Variants in WWP2 observed in about 807,000 individuals in gnomAD.
The protein encoded by WWP2 is NEDD4-like E3 ubiquitin-protein ligase WWP2.
A neutral mutation model predicts 121.0 loss-of-function variants in WWP2; 57 were observed. The observed-to-expected ratio is 0.47, with a 90% CI of 0.38 to 0.59. WWP2 has a LOEUF of 0.59. WWP2 is among the 20% of genes least tolerant of loss of function. WWP2 has a pLI of 0.00. For missense variants in WWP2, 962 were observed against 1,158.9 expected (o/e 0.83, Z 2.47); for synonymous variants, 449 against 441.3 (o/e 1.02, Z -0.22).
chr16:69,901,526 C>T (rs1335031485), intron 8 of WWP2, among the ~76,000 whole-genome samples: 2 of 152,158 alleles, frequency 1.3e-5, no homozygotes, highest in Admixed American at 1.3e-4. Flanking sequence ...CATTCTCCTG[C>T]TTCAGCCTCC....
chr16:69,810,089 C>T (rs1051899808), intron 4 of WWP2, among the ~76,000 whole-genome samples: 3 of 152,186 alleles, frequency 2.0e-5, no homozygotes, highest in African/African-American at 7.2e-5. Context: ...ACCTGATGGG[C>T]GATGGTTGCC....
In WWP2 at chr16:69,937,317, C is replaced by G; in HGVS notation, c.2238+79C>G. On this transcript the variant is annotated intron_variant, in intron 20 of 23. Coordinates refer to ENST00000359154, the MANE Select transcript of WWP2 (RefSeq NM_001270454.2). This position sits in a 1 kb window ranked among gnomAD's most constrained non-coding sequence, Gnocchi z 6.6. ...CTCTGTGATACGCTCACTGTGTACC[C>G]ACAGACACTCAGCGTAAAACTCCCA... 6.4e-7 allele frequency: 1 copy of G among 1,570,106 alleles called. No individual in the cohort carries two copies. The highest frequency in any genetic ancestry group is 1.2e-5 in the South Asian group (1 of 84,990).
At chr16:69,783,853 G>A (rs1299763139) in intron 1 of WWP2, among the ~76,000 whole-genome samples, 1 of 151,984 alleles carries the variant, frequency 6.6e-6, no homozygotes, top group Non-Finnish European at 1.5e-5. Flanking sequence ...TACTCAGGAG[G>A]CCAAGGTGAG....
intron 4 of WWP2, among the ~76,000 whole-genome samples, chr16:69,825,102 T>G (rs1197134477): frequency 6.6e-6 from 1 of 152,118 alleles, no homozygotes; most frequent in Non-Finnish European, 1.5e-5. Flanking sequence ...TGCTTGTGTT[T>G]GCAATGACTT....
intron 4 of WWP2, among the ~76,000 whole-genome samples, chr16:69,804,379 C>A (rs1394919878): frequency 1.3e-5 from 2 of 152,030 alleles, no homozygotes; most frequent in African/African-American, 4.8e-5. Context: ...GTGCCCAGTA[C>A]AAATAGGGAT....
chr16:69,787,930 A>G lies in WWP2; in HGVS notation c.70+850A>G, dbSNP rs527596362. 3 of 152,214 alleles carry G rather than the reference A, an allele frequency of 2.0e-5. No homozygotes were observed. In the East Asian group the frequency reaches 5.8e-4, roughly 29 times the overall value. The allele number at this position is 152,214 out of a possible 1,614,324, so 9.4% of individuals were successfully genotyped here. A position where few individuals can be genotyped will look rare whatever the true frequency, so the allele number is the denominator to read the frequency against. On this transcript the variant is annotated intron_variant, in intron 2 of 23. Coordinates refer to ENST00000359154, the MANE Select transcript of WWP2 (RefSeq NM_001270454.2). Reference sequence around the variant, plus strand: ...ACTCAACATTCAGCCACTTCTCACCACCCCTAGGTCCCAGCCTAGTCCAGG... The same window carrying G: ...ACTCAACATTCAGCCACTTCTCACCGCCCCTAGGTCCCAGCCTAGTCCAGG...
At chr16:69,902,071 G>A (rs2058214657) in intron 8 of WWP2, among the ~76,000 whole-genome samples, 1 of 152,188 alleles carries the variant, frequency 6.6e-6, no homozygotes, top group African/African-American at 2.4e-5. Context: ...TCAAACAGGT[G>A]AATCTGACCA....
chr16:69,917,488 C>T, intron 9 of WWP2: 1 of 476,234 alleles, frequency 2.1e-6, no homozygotes, highest in Non-Finnish European at 3.7e-6. Flanking sequence ...GAGTCAGCTT[C>T]CCCAGAACCA....
chr16:69,807,034 CT>C (rs931741508), intron 4 of WWP2, among the ~76,000 whole-genome samples: 56 of 140,418 alleles, frequency 4.0e-4, no homozygotes, highest in East Asian at 1.6e-3. Context: ...TTATCTTTGT[CT>C]TTTTTTTTTT....
intron 4 of WWP2, among the ~76,000 whole-genome samples, chr16:69,810,427 C>CTTT (rs773074583): frequency 1.4e-5 from 2 of 140,472 alleles, no homozygotes. Flanking sequence ...TTTTTAACAT[C>CTTT]TTTTTTTTTT....
chr16:69,848,275 A>AC (rs2057124015), intron 6 of WWP2, among the ~76,000 whole-genome samples: 2 of 151,672 alleles, frequency 1.3e-5, no homozygotes, highest in South Asian at 4.2e-4. Context: ...ACATGGAGAA[A>AC]CCCCATCTCT....
intron 1 of WWP2, among the ~76,000 whole-genome samples, chr16:69,767,504 G>A (rs2038757580): frequency 6.6e-6 from 1 of 152,210 alleles, no homozygotes; most frequent in Non-Finnish European, 1.5e-5. Context: ...GCGACTTTGA[G>A]TCCCTTAGGA....
chr16:69,786,211 C>T (rs1198621399), intron 1 of WWP2: 2 of 150,334 alleles, frequency 1.3e-5, no homozygotes, highest in African/African-American at 2.5e-5. Context: ...GTGGCACGAT[C>T]TCGGCTCACT....
chr16:69,773,185 C>CT (rs59956274), intron 1 of WWP2, among the ~76,000 whole-genome samples: 1,763 of 145,056 alleles, frequency 0.012, 32 homozygotes, highest in African/African-American at 0.04. Flanking sequence ...CACGTTGCTC[C>CT]TTTTTTTTTT....
intron 9 of WWP2, among the ~76,000 whole-genome samples, chr16:69,916,793 C>T (rs1244926126): frequency 6.6e-6 from 1 of 152,058 alleles, no homozygotes; most frequent in Non-Finnish European, 1.5e-5. Flanking sequence ...AGAATCCAGA[C>T]AAAATCTGGG....
intron 6 of WWP2, among the ~76,000 whole-genome samples, chr16:69,869,471 G>T (rs1177886348): frequency 6.6e-6 from 1 of 150,562 alleles, no homozygotes; most frequent in African/African-American, 2.5e-5. Flanking sequence ...GGCCTCCCAA[G>T]TACCTGGGAC....
intron 4 of WWP2, among the ~76,000 whole-genome samples, chr16:69,800,477 GT>G (rs1482882748): frequency 2.0e-5 from 3 of 151,904 alleles, no homozygotes; most frequent in African/African-American, 7.3e-5. Context: ...TTTGCTTTTG[GT>G]TAGCAAAAGT....
chr16:69,919,165 T>TTCTTA (rs1171655566), intron 10 of WWP2, among the ~76,000 whole-genome samples: 1 of 152,154 alleles, frequency 6.6e-6, no homozygotes, highest in Non-Finnish European at 1.5e-5. Context: ...TTCTTTTCTT[T>TTCTTA]TCTTATTTCT....
At position 69,937,523 on chromosome 16, in the gene WWP2, G is replaced by T; in HGVS notation, c.2239-25G>T. ...GATGCGCGGGGAGGGACCTGCCGGG[G>T]ATGCTGACTGCCGCCTCTCCCCAGC... is the stretch of plus-strand genomic sequence containing the variant. On this transcript the variant is annotated intron_variant, in intron 20 of 23. Coordinates refer to ENST00000359154, the MANE Select transcript of WWP2 (RefSeq NM_001270454.2). The surrounding 1 kb of genome is among the most constrained non-coding windows in gnomAD (Gnocchi z 6.6). The T allele has an allele frequency of 6.2e-7, 1 of 1,612,928 alleles. No homozygotes were observed. Among genetic ancestry groups the T allele is most frequent in the Non-Finnish European group, 8.5e-7 (1 of 1,179,188 alleles).
Sources: gnomAD v4.1 joint callset for allele counts (sites outside exome capture counted in the v4.1 genomes callset) on GRCh38, gnomAD v4.1.1 for gene constraint, Gnocchi (gnomAD v3.1) non-coding constraint, MANE v1.5 for transcripts, NCBI Gene and HGNC (gene_info 2026-07-23, HGNC 2026-07-21) for gene names.